PYGL: variants seen among roughly 807,000 people sequenced by gnomAD.
PYGL encodes glycogen phosphorylase, liver form.
In PYGL, 90 loss-of-function variants were observed where a neutral mutation model predicts 100.1. That is an observed-to-expected ratio of 0.90 (90% CI 0.76 to 1.07). PYGL has a LOEUF of 1.07. Ranked by LOEUF, PYGL falls within the 50% of genes least tolerant of loss-of-function variation. The pLI, the probability that PYGL is intolerant of heterozygous loss-of-function variation, is 0.00. For synonymous variants in PYGL, 373 were observed against 393.0 expected, an observed-to-expected ratio of 0.95 and a Z score of 0.60; for missense variants, 1,016 against 1,057.6, an observed-to-expected ratio of 0.96 and a Z score of 0.55.
Position 50,944,435 on chromosome 14 carries a change from G to T in PYGL, c.-32C>A. On this transcript the variant is annotated 5_prime_UTR_variant, in exon 1 of 20. Coordinates refer to ENST00000216392, the MANE Select transcript of PYGL (RefSeq NM_002863.5). ...GGCGGCGGGCTGCGCGGCGGGCTGCGCAGAGAGCTGGAAGTGCGGCCGGAG... is the reference window on the plus strand; with the variant it reads ...GGCGGCGGGCTGCGCGGCGGGCTGCTCAGAGAGCTGGAAGTGCGGCCGGAG... 1.3e-6 allele frequency: 2 copies of T among 1,578,478 alleles called. No individual in the cohort carries two copies. Among genetic ancestry groups the T allele is most frequent in the South Asian group, 1.1e-5 (1 of 88,590 alleles).
chr14:50,911,717 A>G lies in PYGL; in HGVS notation c.1969+13T>C, dbSNP rs376523721. On this transcript the variant is annotated intron_variant, in intron 16 of 19. Coordinates refer to ENST00000216392, the MANE Select transcript of PYGL (RefSeq NM_002863.5). Reference sequence around the variant, plus strand: ...TGCCCTGGCCCCTGCATATTTTGCAATGAGGGTAGTACCTTTTTCAGCAAG... The same window carrying G: ...TGCCCTGGCCCCTGCATATTTTGCAGTGAGGGTAGTACCTTTTTCAGCAAG... 1.9e-6 allele frequency: 3 copies of G among 1,614,124 alleles called. No individual in the cohort carries two copies. Among genetic ancestry groups the G allele is most frequent in the Middle Eastern group, 1.6e-4 (1 of 6,062 alleles).
Position 50,913,587 on chromosome 14 carries a change from A to G in PYGL, c.1519-457T>C, listed in dbSNP as rs181059363. 5.2e-3 allele frequency among the ~76,000 whole-genome samples: 788 copies of G among 151,868 alleles called. 22 individuals are homozygous for G. The East Asian group carries it at 0.11, about 21-fold the overall frequency. ...GACGGGGTTTCACTGTGTTAGCCAG[A>G]ATGGTCTCGATCTCCTGACCTTGTG... On this transcript the variant is annotated intron_variant, in intron 12 of 19. Coordinates refer to ENST00000216392, the MANE Select transcript of PYGL (RefSeq NM_002863.5).
intron 1 of PYGL, 48 bp from the exon 2 acceptor site, chr14:50,937,885 C>G: frequency 6.6e-7 from 1 of 1,504,406 alleles, no homozygotes. Flanking sequence ...AGATCAACCT[C>G]ACTTAACATA....
At chr14:50,909,358 C>T (rs537753511) in intron 17 of PYGL, among the ~76,000 whole-genome samples, 1 of 152,272 alleles carries the variant, frequency 6.6e-6, no homozygotes, top group South Asian at 2.1e-4. Flanking sequence ...TTCCAAGGGT[C>T]AGGAAGTATA....
intron 19 of PYGL, 57 bp from the exon 20 acceptor site, chr14:50,905,613 A>G: frequency 1.3e-6 from 2 of 1,550,114 alleles, no homozygotes; most frequent in South Asian, 1.1e-5. Flanking sequence ...GAGCTTTATA[A>G]TAAACATCAG....
intron 16 of PYGL, among the ~76,000 whole-genome samples, chr14:50,911,252 T>C (rs1405661539): frequency 1.3e-5 from 2 of 152,254 alleles, no homozygotes; most frequent in Non-Finnish European, 1.5e-5. Flanking sequence ...GAAGTGCCCA[T>C]GTGAGGCACA....
At chr14:50,917,929 A>G (rs2050468722) in intron 7 of PYGL, among the ~76,000 whole-genome samples, 1 of 152,342 alleles carries the variant, frequency 6.6e-6, no homozygotes, top group Middle Eastern at 3.4e-3. Context: ...TGTAACTTCT[A>G]TTAAAAATGT....
chr14:50,912,498 C>A (rs2050409089), intron 13 of PYGL, 195 bp from the exon 14 acceptor site: 3 of 659,192 alleles, frequency 4.6e-6, no homozygotes, highest in South Asian at 3.6e-5. Context: ...TACACCACTA[C>A]TGCCTGGCTA....
chr14:50,912,407 G>A, intron 13 of PYGL, 104 bp from the exon 14 acceptor site: 2 of 1,395,318 alleles, frequency 1.4e-6, no homozygotes, highest in Non-Finnish European at 2.0e-6. Context: ...TGCCCAGGCT[G>A]GAGTGCAGTG....
intron 4 of PYGL, among the ~76,000 whole-genome samples, chr14:50,927,505 G>A (rs1038921068): frequency 3.9e-5 from 6 of 152,180 alleles, no homozygotes; most frequent in Admixed American, 6.5e-5. Context: ...GATTACAGGC[G>A]TGAGCCACCA....
intron 14 of PYGL, 38 bp downstream of exon 14, chr14:50,912,118 A>G: frequency 6.2e-7 from 1 of 1,614,184 alleles, no homozygotes; most frequent in South Asian, 1.1e-5. Flanking sequence ...TGCTGCTTCC[A>G]CCTGCAAGGG....
chr14:50,934,310 A>G (rs2050632180), intron 3 of PYGL, among the ~76,000 whole-genome samples: 2 of 152,208 alleles, frequency 1.3e-5, no homozygotes, highest in South Asian at 2.1e-4. Context: ...TGGTTGACCA[A>G]CTGGGGTCAT....
chr14:50,920,986 G>A lies in PYGL; in HGVS notation c.742C>T (p.Arg248Trp), dbSNP rs938244743. 4 of 1,614,144 alleles carry A rather than the reference G, an allele frequency of 2.5e-6. No homozygotes were observed. Among genetic ancestry groups the A allele is most frequent in the East Asian group, 2.2e-5 (1 of 44,888 alleles). The stretch of plus-strand genomic sequence containing the variant: ...CTGAGGTTAAAGTCATTTGGTGCCC[G>A]AGCAGACCAGAGGCGCATGGTGTTG... ...TVNTMRLWSA[R>W]APNDFNLRDF... Residue 248 changes from arginine to tryptophan, a missense_variant, in exon 6 of 20, where the codon CGG (arginine) becomes TGG (tryptophan). Arg to Trp is a moderately radical substitution (Grantham distance 101, BLOSUM62 -3). Transcript: ENST00000216392.
At position 50,915,933 on chromosome 14, in the gene PYGL, G is replaced by A; in HGVS notation, c.1131C>T (p.Asn377=). 6.2e-7 allele frequency: 1 copy of A among 1,614,268 alleles called. No homozygotes were observed. The highest frequency in any genetic ancestry group is 8.5e-7 in the Non-Finnish European group (1 of 1,180,044). ...CCAGGGCTTCCGGGAGCACTGTGTG[G>A]TTGGTGTAGGCGAAGGTCTTCTGGG... ...ELTQKTFAYT[N]HTVLPEALER... is the part of the protein sequence containing the mutation. Residue 377 remains asparagine (N), a synonymous_variant, in exon 10 of 20, where the codon AAC becomes AAT. Coordinates refer to ENST00000216392, the MANE Select transcript of PYGL (RefSeq NM_002863.5).
At chr14:50,913,637 G>A (rs1470775856) in intron 12 of PYGL, among the ~76,000 whole-genome samples, 2 of 152,058 alleles carry the variant, frequency 1.3e-5, no homozygotes, top group Non-Finnish European at 2.9e-5. Context: ...GCCTCCCAAA[G>A]TGCTGGGATT....
rs1195898364 is a variant in PYGL, at chr14:50,942,382, T to G, written c.243+1779A>C. 3.6e-5 allele frequency among the ~76,000 whole-genome samples: 5 copies of G among 140,286 alleles called. 2 individuals carry two copies. The highest frequency in any genetic ancestry group is 7.9e-5 in the Non-Finnish European group (5 of 63,612). 92.0% of individuals were successfully genotyped at this position (140,286 alleles called of 152,430 possible). On this transcript the variant is annotated intron_variant, in intron 1 of 19. Transcript: ENST00000216392. ...ACATACAAGATTCTCTGGTGCTCTATGATGCTAAATGCTACAGAGGCGTGA... is the reference window on the plus strand; with the variant it reads ...ACATACAAGATTCTCTGGTGCTCTAGGATGCTAAATGCTACAGAGGCGTGA...
intron 3 of PYGL, among the ~76,000 whole-genome samples, chr14:50,933,522 C>T (rs1015858840): frequency 2.0e-5 from 3 of 152,096 alleles, no homozygotes; most frequent in Non-Finnish European, 2.9e-5. Context: ...CAATCTGATA[C>T]ATGTGTGGTA....
rs201325597 is a variant in PYGL, at chr14:50,924,820, T to C, written c.529-720A>G. 1.3e-4 allele frequency among the ~76,000 whole-genome samples: 20 copies of C among 152,358 alleles called. No homozygotes were observed. The East Asian group carries it at 2.9e-3, about 22-fold the overall frequency. The stretch of plus-strand genomic sequence containing the variant: ...TCAATTTATAACAAAATATTTCTTA[T>C]ATACGATTTTAAACTATGGTTTCTA... On this transcript the variant is annotated intron_variant, in intron 4 of 19. Coordinates refer to ENST00000216392, the MANE Select transcript of PYGL (RefSeq NM_002863.5).
chr14:50,915,252 T>A, intron 11 of PYGL, 84 bp downstream of exon 11: 1 of 1,505,202 alleles, frequency 6.6e-7, no homozygotes, highest in Non-Finnish European at 9.2e-7. Flanking sequence ...CCTTTCCTCA[T>A]CCCTAAGTGC....
Sources: allele counts gnomAD v4.1 joint callset (sites outside exome capture counted in the v4.1 genomes callset), GRCh38; gene constraint gnomAD v4.1.1; transcripts MANE v1.5; gene names NCBI Gene and HGNC (gene_info 2026-07-23, HGNC 2026-07-21).